The following RAB27A variants were observed in gnomAD, a reference collection of about 807,000 sequenced individuals.
RAB27A encodes the protein RAB27A, member RAS oncogene family.
A neutral mutation model predicts 20.8 loss-of-function variants in RAB27A; 17 were observed. The ratio of observed to expected loss-of-function variants is 0.82; its 90% CI spans 0.56 to 1.23. RAB27A has a LOEUF of 1.23. RAB27A is among the 50% of genes most tolerant of loss of function. The pLI is 0.00. For synonymous variants in RAB27A, 85 were observed against 92.8 expected (o/e 0.92, Z 0.48); for missense variants, 277 against 266.7 (o/e 1.04, Z -0.27).
chr15:55,310,752 G>A (rs565439416), intron 2 of RAB27A, among the ~76,000 whole-genome samples: 148 of 152,128 alleles, frequency 9.7e-4, no homozygotes, highest in Non-Finnish European at 1.8e-3. Flanking sequence ...GTTTTGCTCC[G>A]GGCCTAAGGC....
chr15:55,293,773 C>T (rs1008146131), upstream of RAB27A, among the ~76,000 whole-genome samples: 6 of 151,988 alleles, frequency 3.9e-5, no homozygotes, highest in East Asian at 1.9e-4. Context: ...AAAATTTAGC[C>T]GGGCGTGGTG....
chr15:55,264,109 T>G (rs1595730860), intron 2 of RAB27A, among the ~76,000 whole-genome samples: 2 of 152,296 alleles, frequency 1.3e-5, no homozygotes, highest in African/African-American at 4.8e-5. Context: ...TGGAGTGCAG[T>G]GGTCCGATCT....
chr15:55,242,031 C>A lies in RAB27A; in HGVS notation c.-22-7075G>T, dbSNP rs796941552. On this transcript the variant is annotated intron_variant, in intron 2 of 6. Coordinates refer to ENST00000336787, the MANE Select transcript of RAB27A (RefSeq NM_183235.3). ...CTACACACACACAGACATATCACAG[C>A]CCAGATTTTCCATGAAGTGTCATAT... Among the ~76,000 whole-genome samples the A allele has an allele frequency of 1.9e-4, 29 of 152,132 alleles. 1 individual carries two copies. The highest frequency in any genetic ancestry group is 6.8e-4 in the African/African-American group (28 of 41,480).
At chr15:55,230,507 A>G (rs759922842) in intron 3 of RAB27A, 21 bp from the exon 4 acceptor site, 1 of 1,586,900 alleles carries the variant, frequency 6.3e-7, no homozygotes, top group Admixed American at 1.7e-5. Context: ...AAAGTGAAAG[A>G]GAAAACAAAA....
chr15:55,318,251 C>T (rs916097087), intron 1 of RAB27A, among the ~76,000 whole-genome samples: 1 of 151,458 alleles, frequency 6.6e-6, no homozygotes, highest in Non-Finnish European at 1.5e-5. Flanking sequence ...GCGCGTGTCA[C>T]CACACCCGGC....
In RAB27A at chr15:55,303,065, G is replaced by A. The variant is rs1323080048; in HGVS notation, c.-112+10974C>T. On this transcript the variant is annotated intron_variant, in intron 2 of 5. Transcript: ENST00000563262. ...TCAGCCCCCCCGCCCGGCCAGCCGC[G>A]CCATCCGGGAGGGAGGTGGGGGGGT... 4.9e-5 allele frequency among the ~76,000 whole-genome samples: 6 copies of A among 121,852 alleles called. No homozygotes were observed. In the South Asian group the frequency reaches 1.5e-3, roughly 30 times the overall value. The allele number at this position is 121,852 out of a possible 152,430, so 79.9% of individuals were successfully genotyped here.
chr15:55,304,355 A>G (rs2054988665), intron 2 of RAB27A, among the ~76,000 whole-genome samples: 1 of 151,284 alleles, frequency 6.6e-6, no homozygotes, highest in Non-Finnish European at 1.5e-5. Flanking sequence ...TGCCTAGGAA[A>G]ACCAGAGACC....
intron 6 of RAB27A, among the ~76,000 whole-genome samples, chr15:55,211,670 G>A (rs1895032053): frequency 6.6e-6 from 1 of 152,064 alleles, no homozygotes; most frequent in Non-Finnish European, 1.5e-5. Flanking sequence ...CTTTAGGTTA[G>A]AAAAAAACTC....
intron 1 of RAB27A, among the ~76,000 whole-genome samples, chr15:55,288,643 G>C (rs888140987): frequency 2.6e-5 from 4 of 151,980 alleles, no homozygotes; most frequent in African/African-American, 9.7e-5. Flanking sequence ...TGGTAGAAAG[G>C]AAGGAAGAAA....
At chr15:55,240,862 A>G (rs1301667223) in intron 2 of RAB27A, among the ~76,000 whole-genome samples, 1 of 152,200 alleles carries the variant, frequency 6.6e-6, no homozygotes, top group Non-Finnish European at 1.5e-5. Flanking sequence ...CAATTGCAAT[A>G]GAGATACAAC....
At chr15:55,291,598 T>C (rs1299909303), upstream of RAB27A, among the ~76,000 whole-genome samples, 10 of 143,362 alleles carry the variant, frequency 7.0e-5, no homozygotes, top group South Asian at 2.4e-3. Flanking sequence ...GAATCACTGA[T>C]CAGCTAAAAT....
intron 2 of RAB27A, among the ~76,000 whole-genome samples, chr15:55,311,212 T>C (rs1419549607): frequency 3.9e-5 from 6 of 152,252 alleles, no homozygotes; most frequent in Admixed American, 3.9e-4. Context: ...GATTTAGCAG[T>C]AACATTGTAT....
intron 6 of RAB27A, among the ~76,000 whole-genome samples, chr15:55,210,020 A>G (rs1336768052): frequency 1.4e-5 from 2 of 144,702 alleles, no homozygotes; most frequent in Non-Finnish European, 3.1e-5. Flanking sequence ...GTACATATAT[A>G]CGCATATATA....
intron 2 of RAB27A, among the ~76,000 whole-genome samples, chr15:55,249,571 A>G (rs902684624): frequency 1.3e-5 from 2 of 152,306 alleles, no homozygotes; most frequent in Non-Finnish European, 2.9e-5. Context: ...ATGAGCCACC[A>G]TGCCCGGGCT....
chr15:55,259,067 T>C (rs1017980947), intron 2 of RAB27A, among the ~76,000 whole-genome samples: 3 of 152,078 alleles, frequency 2.0e-5, no homozygotes, highest in Non-Finnish European at 4.4e-5. Flanking sequence ...CCGCCCACCT[T>C]GGCCGTCCAA....
intron 2 of RAB27A, chr15:55,237,570 T>A (rs1896310462): frequency 6.6e-6 from 1 of 152,060 alleles, no homozygotes; most frequent in Admixed American, 6.6e-5. Context: ...ATAACAGAAT[T>A]CCTCTCCAAA....
At chr15:55,207,869 C>A (rs1894727806) in intron 6 of RAB27A, among the ~76,000 whole-genome samples, 1 of 152,116 alleles carries the variant, frequency 6.6e-6, no homozygotes, top group Non-Finnish European at 1.5e-5. Context: ...GTTGGCCAGG[C>A]TGGTCTCAAA....
chr15:55,261,413 A>G (rs948037587), intron 2 of RAB27A, among the ~76,000 whole-genome samples: 16 of 151,056 alleles, frequency 1.1e-4, no homozygotes, highest in Non-Finnish European at 2.2e-4. Flanking sequence ...AAATAAAAAT[A>G]ATAAATAAAT....
intron 2 of RAB27A, among the ~76,000 whole-genome samples, chr15:55,266,273 T>C (rs1309159953): frequency 2.6e-5 from 4 of 152,158 alleles, no homozygotes; most frequent in African/African-American, 4.8e-5. Context: ...CTCACCAAAA[T>C]CTGAGCATGC....
Sources: gnomAD v4.1 joint callset for allele counts (sites outside exome capture counted in the v4.1 genomes callset) on GRCh38, gnomAD v4.1.1 for gene constraint, MANE v1.5 for transcripts, NCBI Gene and HGNC (gene_info 2026-07-23, HGNC 2026-07-21) for gene names.